The following MYO1B variants were observed in gnomAD, a reference collection of about 807,000 sequenced individuals.
MYO1B encodes unconventional myosin-Ib.
In MYO1B, 72 loss-of-function variants were observed where a neutral mutation model predicts 159.7. The ratio of observed to expected loss-of-function variants is 0.45; its 90% CI spans 0.37 to 0.55. The LOEUF is 0.55. Ranked by LOEUF, MYO1B falls within the 20% of genes least tolerant of loss-of-function variation. The pLI is 0.00. For missense variants in MYO1B, 1,062 were observed against 1,364.8 expected (o/e 0.78, Z 3.50); for synonymous variants, 468 against 473.8 (o/e 0.99, Z 0.16).
At chr2:191,421,738 A>G (rs535063162) in intron 30 of MYO1B, among the ~76,000 whole-genome samples, 2 of 152,240 alleles carry the variant, frequency 1.3e-5, no homozygotes, top group Non-Finnish European at 2.9e-5. Flanking sequence ...GGCCTCCCAA[A>G]GTGCTGGGAT....
intron 1 of MYO1B, among the ~76,000 whole-genome samples, chr2:191,256,918 A>G (rs60818444): frequency 0.072 from 10,867 of 150,350 alleles, 1,251 homozygotes; most frequent in African/African-American, 0.24. Context: ...AGATGGGGCT[A>G]TTCCTTGTGA....
intron 9 of MYO1B, among the ~76,000 whole-genome samples, chr2:191,362,639 T>G (rs1359399427): frequency 2.0e-5 from 3 of 151,648 alleles, no homozygotes; most frequent in Non-Finnish European, 4.4e-5. Flanking sequence ...GTTTGACTCC[T>G]TTAAGGTTAT....
At chr2:191,372,542 G>T (rs1018538350) in intron 13 of MYO1B, among the ~76,000 whole-genome samples, 3 of 152,168 alleles carry the variant, frequency 2.0e-5, no homozygotes, top group Non-Finnish European at 4.4e-5. Flanking sequence ...TAGAGTCTTA[G>T]CCCTAAGATT....
At position 191,296,123 on chromosome 2, in the gene MYO1B, A is replaced by G; in HGVS notation, c.148A>G (p.Ser50Gly). ...DHSEIYTYIG[S>G]VVISVNPYRS... Reference sequence around the variant, plus strand: ...CTTTCTTTTGCAGACATACATTGGAAGTGTGGTTATATCTGTTAACCCATA... The same window carrying G: ...CTTTCTTTTGCAGACATACATTGGAGGTGTGGTTATATCTGTTAACCCATA... The change falls in exon 3 of 31, where the codon AGT becomes GGT. Residue 50 changes from serine to glycine, a missense_variant. Physicochemically the swap from Ser to Gly is moderately conservative, Grantham distance 56. Around this residue, in one of 5 missense-constraint regions of MYO1B, gnomAD observed 415 missense variants for 544.0 expected, o/e 0.76. Transcript: ENST00000392318. 2 of 1,584,752 alleles carry G rather than the reference A, an allele frequency of 1.3e-6. No homozygotes were observed. Among genetic ancestry groups the G allele is most frequent in the Non-Finnish European group, 1.7e-6 (2 of 1,160,478 alleles).
intron 3 of MYO1B, among the ~76,000 whole-genome samples, chr2:191,327,129 G>A (rs575368998): frequency 2.6e-4 from 40 of 152,262 alleles, no homozygotes; most frequent in African/African-American, 8.7e-4. Context: ...CCTACATGAA[G>A]GTCATAGAAG....
chr2:191,385,826 A>G, intron 15 of MYO1B, 58 bp from the exon 16 acceptor site: 1 of 1,542,540 alleles, frequency 6.5e-7, no homozygotes. Flanking sequence ...AATTAGGAAT[A>G]ATTATTAAAA....
chr2:191,415,898 C>A (rs1697533796), intron 29 of MYO1B, among the ~76,000 whole-genome samples: 1 of 152,138 alleles, frequency 6.6e-6, no homozygotes, highest in African/African-American at 2.4e-5. Context: ...TCTGCTGCAT[C>A]CACCGACTTT....
At chr2:191,309,125 C>T (rs1055825898) in intron 3 of MYO1B, among the ~76,000 whole-genome samples, 2 of 152,210 alleles carry the variant, frequency 1.3e-5, no homozygotes, top group Admixed American at 6.5e-5. Flanking sequence ...TTGAGCTCTG[C>T]AGCATCTCTT....
At chr2:191,398,878 G>A (rs1393263881) in intron 21 of MYO1B, among the ~76,000 whole-genome samples, 2 of 152,264 alleles carry the variant, frequency 1.3e-5, no homozygotes, top group African/African-American at 2.4e-5. Context: ...GCCGGGCAGA[G>A]GCTGTAATCT....
chr2:191,425,088 G>T lies in MYO1B; in HGVS notation c.*1128G>T, dbSNP rs1249386738. ...ACATTTTAAACTTTGGAATCAAATTGTTTCTTATTTGGGAGGATAATGTAT... is the reference window on the plus strand; with the variant it reads ...ACATTTTAAACTTTGGAATCAAATTTTTTCTTATTTGGGAGGATAATGTAT... On this transcript the variant is annotated 3_prime_UTR_variant, in exon 31 of 31. Transcript: ENST00000392318. 1 of 152,008 alleles carries T rather than the reference G, an allele frequency of 6.6e-6. No individual in the cohort carries two copies. Among genetic ancestry groups the T allele is most frequent in the African/African-American group, 2.4e-5 (1 of 41,342 alleles). The allele number at this position is 152,008 out of a possible 1,614,324, so 9.4% of individuals were successfully genotyped here.
At chr2:191,409,453 G>A (rs1348004527) in intron 26 of MYO1B, among the ~76,000 whole-genome samples, 1 of 152,124 alleles carries the variant, frequency 6.6e-6, no homozygotes, top group Non-Finnish European at 1.5e-5. Flanking sequence ...CTGCTCTCAA[G>A]TAGTTCAGTT....
intron 20 of MYO1B, among the ~76,000 whole-genome samples, chr2:191,394,984 G>GAC (rs1324273216): frequency 1.3e-5 from 2 of 152,110 alleles, no homozygotes; most frequent in Non-Finnish European, 2.9e-5. Context: ...CAAGCCAGTG[G>GAC]TTAAACTCAT....
At chr2:191,416,285 T>G (rs751413933) in intron 30 of MYO1B, 43 bp downstream of exon 30, 2 of 1,612,030 alleles carry the variant, frequency 1.2e-6, no homozygotes, top group Admixed American at 3.3e-5. Context: ...CTCTTTCAGC[T>G]TTTTTGTTTT....
chr2:191,375,234 TAAA>T (rs1694622415), intron 13 of MYO1B, among the ~76,000 whole-genome samples: 2 of 152,242 alleles, frequency 1.3e-5, no homozygotes, highest in East Asian at 3.9e-4. Flanking sequence ...TTATTTCAAA[TAAA>T]AAAATCTAAT....
intron 29 of MYO1B, 82 bp from the exon 30 acceptor site, chr2:191,416,033 A>G: frequency 7.1e-7 from 1 of 1,402,316 alleles, no homozygotes; most frequent in Non-Finnish European, 9.8e-7. Context: ...AAGAGACTGT[A>G]AGTATGTTTT....
intron 2 of MYO1B, among the ~76,000 whole-genome samples, chr2:191,290,708 C>T (rs1263504010): frequency 6.6e-6 from 1 of 152,130 alleles, no homozygotes; most frequent in Non-Finnish European, 1.5e-5. Context: ...AGCTATAGTA[C>T]GGCCCTTTTT....
At chr2:191,278,946 T>C (rs771015151) in intron 2 of MYO1B, among the ~76,000 whole-genome samples, 3 of 152,244 alleles carry the variant, frequency 2.0e-5, no homozygotes, top group Non-Finnish European at 4.4e-5. Flanking sequence ...TTTAAATGAA[T>C]TGAAAATAAG....
At chr2:191,387,917 G>A (rs543689659) in intron 17 of MYO1B, 52 of 192,186 alleles carry the variant, frequency 2.7e-4, no homozygotes, top group Middle Eastern at 4.8e-3. Flanking sequence ...TTTCTTCCCT[G>A]TGAGAGGTGT....
rs773576137 is a variant in MYO1B, at chr2:191,341,583, C to A, written c.451+18C>A. 2 of 1,594,722 alleles carry A rather than the reference C, an allele frequency of 1.3e-6. No individual in the cohort carries two copies. Among genetic ancestry groups the A allele is most frequent in the Admixed American group, 1.7e-5 (1 of 59,782 alleles). ...CCTGGAAGGTAGGATGTGTTATGTT[C>A]ATTAAGTCGGTGTGACTCAAACAGT... On this transcript the variant is annotated intron_variant, in intron 5 of 30. Transcript: ENST00000392318.
Sources: gnomAD v4.1 joint callset for allele counts (sites outside exome capture counted in the v4.1 genomes callset) on GRCh38, gnomAD v4.1.1 for gene constraint, gnomAD v4.1.1 regional missense constraint, MANE v1.5 for transcripts, NCBI Gene and HGNC (gene_info 2026-07-23, HGNC 2026-07-21) for gene names.